The following RABL6 variants were observed in gnomAD, a reference collection of about 807,000 sequenced individuals.
The protein encoded by RABL6 is rab-like protein 6.
RABL6 carries 28 observed loss-of-function variants against 72.9 expected under a neutral mutation model. That is an observed-to-expected ratio of 0.38 (90% confidence interval 0.28 to 0.53). The LOEUF is 0.53. Among genes scored for constraint, RABL6 ranks in the 20% least tolerant of loss-of-function variants. The pLI, the probability that RABL6 is intolerant of heterozygous loss-of-function variation, is 0.80. For missense variants in RABL6, 1,029 were observed against 1,008.4 expected (o/e 1.02, Z -0.28); for synonymous variants, 477 against 421.2 (o/e 1.13, Z -1.62).
At chr9:136,815,181 C>T (rs1848092035) in intron 1 of RABL6, 3 of 330,482 alleles carry the variant, frequency 9.1e-6, no homozygotes, top group South Asian at 2.5e-5. Context: ...GCGTTCTTGC[C>T]GTTCTTTGCC....
At chr9:136,830,937 T>C (rs1848460095) in intron 5 of RABL6, 1 of 154,682 alleles carries the variant, frequency 6.5e-6, no homozygotes, top group Admixed American at 6.5e-5. Flanking sequence ...ACGCAGGCCC[T>C]TCACAGCCAC....
intron 1 of RABL6, among the ~76,000 whole-genome samples, chr9:136,820,072 G>T (rs549312726): frequency 6.6e-6 from 1 of 151,994 alleles, no homozygotes; most frequent in Non-Finnish European, 1.5e-5. Flanking sequence ...GGCGGCTTGC[G>T]CCTGTAGTCC....
In RABL6 at chr9:136,840,755, G is replaced by C. The variant is rs1042752317; in HGVS notation, c.*233G>C. On this transcript the variant is annotated 3_prime_UTR_variant, in exon 15 of 15. Transcript: ENST00000311502. Reference sequence around the variant, plus strand: ...GGAGGGGACAGCTGGCTTCAGCCAGGCTCGGTGGACACCCTGGCCCTCTCG... The same window carrying C: ...GGAGGGGACAGCTGGCTTCAGCCAGCCTCGGTGGACACCCTGGCCCTCTCG... 2 of 1,548,254 alleles carry C rather than the reference G, an allele frequency of 1.3e-6. No homozygotes were observed. The highest frequency in any genetic ancestry group is 1.4e-5 in the African/African-American group (1 of 73,116).
Position 136,840,313 on chromosome 9 carries a change from G to A in RABL6, c.1990-9G>A. On this transcript the variant is annotated splice_polypyrimidine_tract_variant and intron_variant, in intron 14 of 14. Transcript: ENST00000311502. ...TGACTCCATGGCGCCCCATCCTTGTGCTCCTCAGGAAGAAGAAAAAGCTGC... is the reference window on the plus strand; with the variant it reads ...TGACTCCATGGCGCCCCATCCTTGTACTCCTCAGGAAGAAGAAAAAGCTGC... 2 of 1,596,404 alleles carry A rather than the reference G, an allele frequency of 1.3e-6. No homozygotes were observed. Among genetic ancestry groups the A allele is most frequent in the Non-Finnish European group, 1.7e-6 (2 of 1,171,734 alleles).
In RABL6 at chr9:136,839,796, C is replaced by T; in HGVS notation, c.1861C>T (p.Leu621=). ...CAAGCTCCCTCTCCCCGCCTTCAGACTGAAGAATGACTCGGACCTCTTCGG... is the reference window on the plus strand; with the variant it reads ...CAAGCTCCCTCTCCCCGCCTTCAGATTGAAGAATGACTCGGACCTCTTCGG... ...PPKLPLPAFR[L]KNDSDLFGLG... is the part of the protein sequence containing the mutation. Residue 621 remains leucine (L), a synonymous_variant, in exon 13 of 15, where the codon CTG becomes TTG. Coordinates refer to ENST00000311502, the MANE Select transcript of RABL6 (RefSeq NM_024718.5). 6.2e-7 allele frequency: 1 copy of T among 1,612,880 alleles called. No individual in the cohort carries two copies. Among genetic ancestry groups the T allele is most frequent in the Non-Finnish European group, 8.5e-7 (1 of 1,179,828 alleles).
chr9:136,834,115 G>A (rs1041677099), intron 7 of RABL6: 8 of 1,319,302 alleles, frequency 6.1e-6, no homozygotes, highest in Middle Eastern at 2.0e-4. Flanking sequence ...TCTCAGCAGC[G>A]GGACCCCTGT....
In RABL6 at chr9:136,839,687, G is replaced by A. The variant is rs1240929372; in HGVS notation, c.1759-7G>A. On this transcript the variant is annotated splice_region_variant and splice_polypyrimidine_tract_variant and intron_variant, in intron 12 of 14. Coordinates refer to ENST00000311502, the MANE Select transcript of RABL6 (RefSeq NM_024718.5). ...GATGGCCTGACCAGTTGCTCTCCCT[G>A]CTCCAGGATGACTTTCCCGTGCGAG... The A allele has an allele frequency of 3.2e-6, 5 of 1,575,214 alleles. No homozygotes were observed. The East Asian group carries it at 6.7e-5, about 21-fold the overall frequency.
At position 136,840,217 on chromosome 9, in the gene RABL6, T is replaced by C. The variant is rs532895295; in HGVS notation, c.1989+5T>C. The C allele has an allele frequency of 6.2e-7, 1 of 1,612,822 alleles. No homozygotes were observed. Among genetic ancestry groups the C allele is most frequent in the South Asian group, 1.1e-5 (1 of 91,080 alleles). On this transcript the variant is annotated splice_donor_5th_base_variant and intron_variant, in intron 14 of 14. Coordinates refer to ENST00000311502, the MANE Select transcript of RABL6 (RefSeq NM_024718.5). Reference sequence around the variant, plus strand: ...AAGAAGAAAAAAGGCAAAGAGGTACTGGCTACTCCCCTTCCTGGCAGGCCA... The same window carrying C: ...AAGAAGAAAAAAGGCAAAGAGGTACCGGCTACTCCCCTTCCTGGCAGGCCA...
intron 1 of RABL6, chr9:136,821,691 G>A (rs1488179002): frequency 5.0e-6 from 5 of 1,009,630 alleles, no homozygotes; most frequent in Non-Finnish European, 4.7e-6. Flanking sequence ...CTCCCTCCTG[G>A]CTGCGCTGAG....
intron 1 of RABL6, chr9:136,813,442 G>T: frequency 1.7e-6 from 1 of 603,632 alleles, no homozygotes; most frequent in Non-Finnish European, 2.9e-6. Context: ...CTCTAGTCTT[G>T]ATTTAGACCT....
At chr9:136,833,368 G>T (rs1219814140) in intron 7 of RABL6, 2 of 373,424 alleles carry the variant, frequency 5.4e-6, no homozygotes, top group Non-Finnish European at 1.0e-5. Context: ...GGGTCTGGGG[G>T]ACCTGAACCT....
chr9:136,838,076 G>C, intron 10 of RABL6, 61 bp downstream of exon 10: 2 of 1,537,824 alleles, frequency 1.3e-6, no homozygotes, highest in Non-Finnish European at 1.8e-6. Flanking sequence ...TGCCCGAGCA[G>C]CAGGTGGGGC....
At position 136,830,274 on chromosome 9, in the gene RABL6, C is replaced by T. The variant is rs576287558; in HGVS notation, c.458+790C>T. 2.2e-4 allele frequency among the ~76,000 whole-genome samples: 34 copies of T among 152,364 alleles called. No homozygotes were observed. The South Asian group carries it at 5.4e-3, about 24-fold the overall frequency. ...TTAAGCGTACCGCCTGTCACGGGGC[C>T]GCACACTCAGCACGCATCAGCAGCC... On this transcript the variant is annotated intron_variant, in intron 5 of 14. Transcript: ENST00000311502.
At chr9:136,838,748 C>T in intron 10 of RABL6, among the ~76,000 whole-genome samples, 161 bp from the exon 11 acceptor site, 1 of 37,274 alleles carries the variant, frequency 2.7e-5, no homozygotes, top group Non-Finnish European at 4.8e-5. Flanking sequence ...GCTCAGAAGC[C>T]CTGTGACCAT....
At chr9:136,836,474 A>G (rs1180367237) in intron 8 of RABL6, 1 of 152,384 alleles carries the variant, frequency 6.6e-6, no homozygotes, top group Non-Finnish European at 1.5e-5. Context: ...CCAGAAGGAG[A>G]GCCCTGTGGG....
In RABL6 at chr9:136,837,349, C is replaced by T. The variant is rs780836125; in HGVS notation, c.813C>T (p.Phe271=). The T allele has an allele frequency of 6.2e-7, 1 of 1,604,464 alleles. No homozygotes were observed. Among genetic ancestry groups the T allele is most frequent in the Non-Finnish European group, 8.5e-7 (1 of 1,176,256 alleles). ...QETEDQNYGI[F]LEMMEARSRG... is the part of the protein sequence containing the mutation. ...TCACCCGCCTTCTGCCTTTCAGCTT[C>T]CTGGAGATGATGGAGGCTCGCAGCC... The change falls in exon 9 of 15, where the codon TTC becomes TTT. Residue 271 remains phenylalanine (F), a synonymous_variant. Transcript: ENST00000311502.
chr9:136,809,887 A>G, intron 1 of RABL6: 1 of 157,116 alleles, frequency 6.4e-6, no homozygotes. Flanking sequence ...AAATCTCAGG[A>G]CTCCTCTGTC....
intron 3 of RABL6, chr9:136,827,740 T>C (rs1848389195): frequency 6.6e-6 from 1 of 152,268 alleles, no homozygotes; most frequent in Non-Finnish European, 1.5e-5. Flanking sequence ...TGGAATGAAG[T>C]GGACGTGGCG....
intron 1 of RABL6, among the ~76,000 whole-genome samples, chr9:136,817,249 C>T (rs1848138407): frequency 6.6e-6 from 1 of 152,020 alleles, no homozygotes; most frequent in Admixed American, 6.6e-5. Flanking sequence ...ATGTCCAGTA[C>T]AAGTTCCAGA....
Sources: allele counts gnomAD v4.1 joint callset (sites outside exome capture counted in the v4.1 genomes callset), GRCh38; gene constraint gnomAD v4.1.1; transcripts MANE v1.5; gene names NCBI Gene and HGNC (gene_info 2026-07-23, HGNC 2026-07-21).